Variants in CTIF observed in about 807,000 individuals in gnomAD.
The protein encoded by CTIF is cap binding complex dependent translation initiation factor.
Under a neutral mutation model 66.0 loss-of-function variants are expected in CTIF, and 21 were observed. The ratio of observed to expected loss-of-function variants is 0.32; its 90% CI spans 0.23 to 0.46. The LOEUF (loss-of-function observed/expected upper bound fraction) is 0.46, where lower values mean the gene tolerates loss of function less well. Ranked by LOEUF, CTIF falls within the 20% of genes least tolerant of loss-of-function variation. CTIF has a pLI of 1.00. For missense variants in CTIF, 739 were observed against 812.7 expected (o/e 0.91, Z 1.10); for synonymous variants, 345 against 326.4 (o/e 1.06, Z -0.62).
intron 10 of CTIF, among the ~76,000 whole-genome samples, chr18:48,850,049 C>G (rs1431906998): frequency 6.6e-6 from 1 of 152,210 alleles, no homozygotes; most frequent in South Asian, 2.1e-4. Flanking sequence ...CTGGCACCCA[C>G]CATTCTGCTC....
intron 1 of CTIF, among the ~76,000 whole-genome samples, chr18:48,585,694 G>A (rs138288609): frequency 2.6e-4 from 40 of 152,302 alleles, no homozygotes; most frequent in African/African-American, 9.1e-4. Context: ...TCCCTAGGAG[G>A]GGCTAGAGCA....
chr18:48,845,683 C>T (rs897105143), intron 10 of CTIF, among the ~76,000 whole-genome samples: 3 of 152,296 alleles, frequency 2.0e-5, no homozygotes, highest in Non-Finnish European at 4.4e-5. Flanking sequence ...TAGTCATCTT[C>T]CCTGGTCATC....
chr18:48,557,100 G>T (rs2089039688), intron 1 of CTIF, among the ~76,000 whole-genome samples: 1 of 152,156 alleles, frequency 6.6e-6, no homozygotes, highest in South Asian at 2.1e-4. Context: ...ACTGAAGGAG[G>T]GGTGGGGCTG....
At chr18:48,812,589 CA>C (rs1174097223) in intron 9 of CTIF, among the ~76,000 whole-genome samples, 3 of 151,758 alleles carry the variant, frequency 2.0e-5, no homozygotes, top group Non-Finnish European at 4.4e-5. Context: ...CTTGTCTCTA[CA>C]AAAAAATTTA....
At chr18:48,821,081 A>G (rs1021716630) in intron 10 of CTIF, among the ~76,000 whole-genome samples, 3 of 152,160 alleles carry the variant, frequency 2.0e-5, no homozygotes, top group Non-Finnish European at 4.4e-5. Context: ...GAAACTTTGG[A>G]GTCATCTCTG....
At chr18:48,545,729 T>C (rs1375980842) in intron 1 of CTIF, among the ~76,000 whole-genome samples, 5 of 152,150 alleles carry the variant, frequency 3.3e-5, no homozygotes, top group Non-Finnish European at 7.3e-5. Context: ...GACAATGCAC[T>C]GTGCAAGCTA....
chr18:48,704,693 T>C (rs1598899708), intron 6 of CTIF, among the ~76,000 whole-genome samples: 1 of 152,190 alleles, frequency 6.6e-6, no homozygotes, highest in Non-Finnish European at 1.5e-5. Context: ...TACAAGGACA[T>C]CAGTCATATC....
At chr18:48,811,728 G>A (rs1259155462) in intron 9 of CTIF, among the ~76,000 whole-genome samples, 1 of 152,186 alleles carries the variant, frequency 6.6e-6, no homozygotes, top group Non-Finnish European at 1.5e-5. Flanking sequence ...GTTGCAGCAT[G>A]TGTCAGAATT....
intron 1 of CTIF, among the ~76,000 whole-genome samples, chr18:48,607,557 G>A (rs1236234316): frequency 6.6e-6 from 1 of 152,228 alleles, no homozygotes; most frequent in Non-Finnish European, 1.5e-5. Context: ...AAGAGGAACT[G>A]AATGTCTATG....
chr18:48,548,348 G>T (rs1015394073), intron 1 of CTIF, among the ~76,000 whole-genome samples: 1 of 152,246 alleles, frequency 6.6e-6, no homozygotes, highest in Non-Finnish European at 1.5e-5. Context: ...GATCAAGAAA[G>T]TGACCTGCTA....
chr18:48,560,763 G>A lies in CTIF; in HGVS notation c.-29+21451G>A, dbSNP rs115397212. Among the ~76,000 whole-genome samples, 659 of 151,840 alleles carry A rather than the reference G, an allele frequency of 4.3e-3. 3 individuals carry two copies. The highest frequency in any genetic ancestry group is 0.027 in the Middle Eastern group (8 of 292). ...ATTTGTTGTATTTTTTGTAGAGACA[G>A]GGTTCCACCACGTTGCCCAGGCTGG... On this transcript the variant is annotated intron_variant, in intron 1 of 11. Transcript: ENST00000256413.
intron 7 of CTIF, among the ~76,000 whole-genome samples, chr18:48,749,306 G>A (rs187572007): frequency 3.9e-5 from 6 of 152,312 alleles, no homozygotes; most frequent in African/African-American, 7.2e-5. Context: ...GGGGATAAAG[G>A]AAGTCACTGA....
intron 1 of CTIF, among the ~76,000 whole-genome samples, chr18:48,582,679 C>T (rs796749368): frequency 7.9e-5 from 12 of 152,124 alleles, no homozygotes; most frequent in East Asian, 1.9e-4. Flanking sequence ...GGAGTGCTTG[C>T]GGTAGTAGTA....
chr18:48,615,868 G>C (rs774143976), intron 1 of CTIF, among the ~76,000 whole-genome samples: 1 of 152,224 alleles, frequency 6.6e-6, no homozygotes, highest in Non-Finnish European at 1.5e-5. Flanking sequence ...CCGAGAGGAC[G>C]TGAGGACACA....
At chr18:48,722,586 A>G (rs1360489546) in intron 7 of CTIF, among the ~76,000 whole-genome samples, 1 of 151,916 alleles carries the variant, frequency 6.6e-6, no homozygotes, top group African/African-American at 2.4e-5. Flanking sequence ...GTACCCAGCC[A>G]TACCTGTTGG....
chr18:48,567,343 G>A (rs1247846913), intron 1 of CTIF: 8 of 152,212 alleles, frequency 5.3e-5, no homozygotes, highest in African/African-American at 1.9e-4. Flanking sequence ...AGGGAAGAAC[G>A]ATATTCTGTT....
At chr18:48,854,298 G>A (rs901557941) in intron 10 of CTIF, among the ~76,000 whole-genome samples, 1 of 152,158 alleles carries the variant, frequency 6.6e-6, no homozygotes, top group Non-Finnish European at 1.5e-5. Flanking sequence ...AAGTGACCCA[G>A]CCTTAAAGGA....
chr18:48,621,600 A>T (rs1020966699), intron 2 of CTIF: 2 of 375,570 alleles, frequency 5.3e-6, no homozygotes, highest in African/African-American at 4.5e-5. Flanking sequence ...GAGTCGAGGG[A>T]GTGGGATGGG....
At chr18:48,773,687 G>C (rs891149606) in intron 9 of CTIF, among the ~76,000 whole-genome samples, 4 of 152,250 alleles carry the variant, frequency 2.6e-5, no homozygotes, top group African/African-American at 9.6e-5. Context: ...ATTGGCCTGT[G>C]GGCCGCTGAT....
Sources: allele counts gnomAD v4.1 joint callset (sites outside exome capture counted in the v4.1 genomes callset), GRCh38; gene constraint gnomAD v4.1.1; transcripts MANE v1.5; gene names NCBI Gene and HGNC (gene_info 2026-07-23, HGNC 2026-07-21).